The following SDK1 variants were observed in gnomAD, a reference collection of about 807,000 sequenced individuals.
The protein encoded by SDK1 is protein sidekick-1.
SDK1 carries 157 observed loss-of-function variants against 245.5 expected under a neutral mutation model. The ratio of observed to expected loss-of-function variants is 0.64; its 90% CI spans 0.56 to 0.73. The LOEUF is 0.73. Among genes scored for constraint, SDK1 ranks in the 30% least tolerant of loss-of-function variants. The pLI is 0.00. For missense variants in SDK1, 3,583 were observed against 3,002.3 expected, an observed-to-expected ratio of 1.19 and a Z score of -4.52; for synonymous variants, 1,647 against 1,278.5, an observed-to-expected ratio of 1.29 and a Z score of -6.15.
chr7:3,989,384 G>A (rs1016877587), intron 14 of SDK1, among the ~76,000 whole-genome samples: 21 of 152,108 alleles, frequency 1.4e-4, no homozygotes, highest in African/African-American at 2.4e-4. Context: ...ACCTCCCACC[G>A]GGTCCCTCCC....
chr7:3,869,402 T>C (rs892821988), intron 5 of SDK1, among the ~76,000 whole-genome samples: 31 of 152,076 alleles, frequency 2.0e-4, no homozygotes, highest in Non-Finnish European at 4.0e-4. Flanking sequence ...GTGATCTGCC[T>C]GCCTCGGCCT....
chr7:3,760,721 C>A (rs775757660), intron 4 of SDK1, among the ~76,000 whole-genome samples: 16 of 152,158 alleles, frequency 1.1e-4, no homozygotes, highest in African/African-American at 3.9e-4. Context: ...GGATGATAAC[C>A]GGCTCCTGGC....
chr7:3,496,986 C>G (rs555725610), intron 1 of SDK1, among the ~76,000 whole-genome samples: 2 of 152,106 alleles, frequency 1.3e-5, no homozygotes, highest in African/African-American at 2.4e-5. Flanking sequence ...TCCACATTCT[C>G]GGCACAGAAT....
At chr7:3,616,349 A>G (rs1345431560) in intron 1 of SDK1, among the ~76,000 whole-genome samples, 1 of 152,256 alleles carries the variant, frequency 6.6e-6, no homozygotes, top group East Asian at 1.9e-4. Flanking sequence ...GGTGGGAACC[A>G]GAACACGTGT....
chr7:3,574,877 T>C (rs1463506725), intron 1 of SDK1, among the ~76,000 whole-genome samples: 1 of 152,068 alleles, frequency 6.6e-6, no homozygotes, highest in Admixed American at 6.5e-5. Flanking sequence ...ATTTTACAAA[T>C]TACACGAAAG....
In SDK1 at chr7:3,549,624, G is replaced by T. The variant is rs144804223; in HGVS notation, c.299-69456G>T. ...CAGAGTTACCTGGTCTCAGGGCAGAGCATGTTTTGTTTTTTTTCCCTACTT... is the reference window on the plus strand; with the variant it reads ...CAGAGTTACCTGGTCTCAGGGCAGATCATGTTTTGTTTTTTTTCCCTACTT... On this transcript the variant is annotated intron_variant, in intron 1 of 44. Coordinates refer to ENST00000404826, the MANE Select transcript of SDK1 (RefSeq NM_152744.4). Among the ~76,000 whole-genome samples the T allele has an allele frequency of 3.2e-3, 480 of 152,312 alleles. 5 individuals are homozygous for T. The highest frequency in any genetic ancestry group is 0.011 in the African/African-American group (446 of 41,560).
At chr7:3,678,517 A>C (rs1783980642) in intron 4 of SDK1, among the ~76,000 whole-genome samples, 1 of 152,238 alleles carries the variant, frequency 6.6e-6, no homozygotes, top group African/African-American at 2.4e-5. Context: ...TAAGTGAAAC[A>C]AGCCAGACAT....
chr7:3,518,400 C>G (rs947447408), intron 1 of SDK1, among the ~76,000 whole-genome samples: 5 of 151,592 alleles, frequency 3.3e-5, no homozygotes, highest in African/African-American at 1.2e-4. Flanking sequence ...AAAAGACAAC[C>G]TACAGAATGG....
intron 5 of SDK1, among the ~76,000 whole-genome samples, chr7:3,865,690 T>G (rs946349417): frequency 4.0e-5 from 6 of 151,774 alleles, no homozygotes; most frequent in African/African-American, 1.5e-4. Context: ...TTTCTTTTTT[T>G]TTTTTTTAGA....
At chr7:3,746,686 TTATTA>T (rs1206168845) in intron 4 of SDK1, among the ~76,000 whole-genome samples, 1 of 152,224 alleles carries the variant, frequency 6.6e-6, no homozygotes, top group African/African-American at 2.4e-5. Context: ...TGGTTACAGT[TTATTA>T]TGAGATTGTA....
intron 1 of SDK1, among the ~76,000 whole-genome samples, chr7:3,393,919 G>T (rs1404230944): frequency 2.0e-5 from 3 of 152,082 alleles, no homozygotes; most frequent in Non-Finnish European, 4.4e-5. Context: ...CAGTATCTGA[G>T]CTTTAAAGAG....
intron 16 of SDK1, among the ~76,000 whole-genome samples, chr7:4,013,276 A>G (rs1786130939): frequency 1.3e-5 from 2 of 152,256 alleles, no homozygotes; most frequent in African/African-American, 4.8e-5. Flanking sequence ...TTAAAATTGC[A>G]CTGAACGCGA....
At chr7:3,744,198 A>G (rs1400638738) in intron 4 of SDK1, among the ~76,000 whole-genome samples, 2 of 151,970 alleles carry the variant, frequency 1.3e-5, no homozygotes, top group Non-Finnish European at 2.9e-5. Flanking sequence ...CTCAAATGCC[A>G]TCTCCCAAGA....
chr7:3,806,310 A>ACG (rs1779243222), intron 4 of SDK1, among the ~76,000 whole-genome samples: 2 of 132,380 alleles, frequency 1.5e-5, no homozygotes, highest in South Asian at 2.2e-4. Flanking sequence ...TAGGATGTGG[A>ACG]TGTCCACATT....
chr7:3,899,381 CA>C (rs1308462811), intron 5 of SDK1, among the ~76,000 whole-genome samples: 3 of 152,272 alleles, frequency 2.0e-5, no homozygotes, highest in Admixed American at 6.5e-5. Context: ...ACTTTGTAGC[CA>C]AAAGGCCCAT....
chr7:4,210,337 G>T (rs139367625), intron 38 of SDK1, among the ~76,000 whole-genome samples, 175 bp downstream of exon 38: 1 of 152,186 alleles, frequency 6.6e-6, no homozygotes, highest in Admixed American at 6.5e-5. Context: ...CGAGGGGAGC[G>T]GGGACTCGCG....
chr7:4,081,069 G>C (rs1460435114), intron 22 of SDK1, among the ~76,000 whole-genome samples: 1 of 152,200 alleles, frequency 6.6e-6, no homozygotes, highest in African/African-American at 2.4e-5. Context: ...GTGGTCTTTG[G>C]TGTCTGACGA....
chr7:3,874,361 T>C (rs1378678976), intron 5 of SDK1, among the ~76,000 whole-genome samples: 3 of 152,222 alleles, frequency 2.0e-5, no homozygotes, highest in African/African-American at 7.2e-5. Flanking sequence ...TTCTTGCAGC[T>C]CCCCTGCTGT....
At chr7:3,681,186 C>T (rs972560905) in intron 4 of SDK1, among the ~76,000 whole-genome samples, 2 of 113,918 alleles carry the variant, frequency 1.8e-5, no homozygotes, top group African/African-American at 3.4e-5. Context: ...AGTATGCCCC[C>T]GAGTGCTATA....
Sources: allele counts gnomAD v4.1 joint callset (sites outside exome capture counted in the v4.1 genomes callset), GRCh38; gene constraint gnomAD v4.1.1; transcripts MANE v1.5; gene names NCBI Gene and HGNC (gene_info 2026-07-23, HGNC 2026-07-21).